Variants in CACNA1E observed in about 807,000 individuals in gnomAD.
The protein encoded by CACNA1E is calcium voltage-gated channel subunit alpha1 E.
In CACNA1E, 40 loss-of-function variants were observed where a neutral mutation model predicts 259.2. The ratio of observed to expected loss-of-function variants is 0.15; its 90% CI spans 0.12 to 0.20. The LOEUF is 0.20. Ranked by LOEUF, CACNA1E falls within the 10% of genes least tolerant of loss-of-function variation. The pLI is 1.00. For synonymous variants in CACNA1E, 1,104 were observed against 1,138.5 expected, an observed-to-expected ratio of 0.97 and a Z score of 0.61; for missense variants, 1,874 against 3,040.1, an observed-to-expected ratio of 0.62 and a Z score of 9.02.
chr1:181,488,342 C>A (rs1664029829), intron 1 of CACNA1E, among the ~76,000 whole-genome samples: 1 of 152,180 alleles, frequency 6.6e-6, no homozygotes, highest in African/African-American at 2.4e-5. Flanking sequence ...AGGATGAAGT[C>A]TGTAATTATA....
At chr1:181,767,964 G>A (rs931425079) in intron 35 of CACNA1E, among the ~76,000 whole-genome samples, 1 of 152,134 alleles carries the variant, frequency 6.6e-6, no homozygotes, top group African/African-American at 2.4e-5. Context: ...ATGTATAATT[G>A]TAGATATTTT....
intron 2 of CACNA1E, among the ~76,000 whole-genome samples, chr1:181,471,584 T>C (rs1662511634): frequency 6.6e-6 from 1 of 152,220 alleles, no homozygotes. Context: ...TCAGAATTTC[T>C]TTCCCTTTTC....
Position 181,781,316 on chromosome 1 carries a change from A to G in CACNA1E, c.5268-111A>G, listed in dbSNP as rs529922854. ...TCGTTTTTGCTCTCTGGGAATGCCT[A>G]TTCTCCTCTCCTATCTGTCTGCATC... On this transcript the variant is annotated intron_variant, in intron 38 of 47. Coordinates refer to ENST00000367573, the MANE Select transcript of CACNA1E (RefSeq NM_001205293.3). 1,029 of 659,448 alleles carry G rather than the reference A, an allele frequency of 1.6e-3. 4 individuals carry two copies. Among genetic ancestry groups the G allele is most frequent in the Middle Eastern group, 8.2e-3 (21 of 2,576 alleles). The allele number at this position is 659,448 out of a possible 1,614,324, so 40.8% of individuals were successfully genotyped here. A position where few individuals can be genotyped will look rare whatever the true frequency, so the allele number is the denominator to read the frequency against.
intron 1 of CACNA1E, among the ~76,000 whole-genome samples, chr1:181,339,740 C>A (rs78003402): frequency 0.12 from 18,928 of 151,960 alleles, 1,251 homozygotes; most frequent in South Asian, 0.17. Context: ...TGTGAGATTC[C>A]ACATCTTTAA....
rs1572732892 is a variant in CACNA1E at position 181,732,789 on chromosome 1, A to G, written c.2703A>G (p.Gly901=). The G allele has an allele frequency of 6.3e-7, 1 of 1,594,614 alleles. No individual in the cohort carries two copies. Among genetic ancestry groups the G allele is most frequent in the East Asian group, 2.2e-5 (1 of 44,702 alleles). The change falls in exon 20 of 48, where the codon GGA becomes GGG. Residue 901 remains glycine, a synonymous_variant. Transcript: ENST00000367573. The surrounding 1 kb of genome is among the most constrained non-coding windows in gnomAD (Gnocchi z 5.5). ...ACCCGACTCAGCAGGAGGCAGGGGG[A>G]GGAGAGGCTGTGGTGACCTTTGAGG... The part of the protein sequence containing the change: ...NCDPTQQEAG[G]GEAVVTFEDR...
At chr1:181,790,636 G>C in intron 44 of CACNA1E, 80 bp downstream of exon 44, 3 of 921,192 alleles carry the variant, frequency 3.3e-6, no homozygotes, top group Admixed American at 1.8e-5. Context: ...ACATAGTCAT[G>C]GTCCGTCAGG....
chr1:181,529,401 G>C (rs975994723), intron 3 of CACNA1E, among the ~76,000 whole-genome samples: 2 of 152,254 alleles, frequency 1.3e-5, no homozygotes, highest in African/African-American at 4.8e-5. Context: ...GGGAAATGTG[G>C]GGTTGGAGCC....
At chr1:181,421,924 G>A (rs972745938) in intron 2 of CACNA1E, among the ~76,000 whole-genome samples, 9 of 152,098 alleles carry the variant, frequency 5.9e-5, no homozygotes, top group Admixed American at 1.3e-4. Context: ...CTTTTTGCTG[G>A]CTCATAAAGC....
At chr1:181,654,915 G>A (rs1017287859) in intron 7 of CACNA1E, among the ~76,000 whole-genome samples, 1 of 150,588 alleles carries the variant, frequency 6.6e-6, no homozygotes, top group Non-Finnish European at 1.5e-5. Context: ...ACCCCAGGGG[G>A]CGGAGCCTGC....
At chr1:181,340,317 G>A (rs1355279092) in intron 1 of CACNA1E, among the ~76,000 whole-genome samples, 2 of 151,864 alleles carry the variant, frequency 1.3e-5, no homozygotes, top group East Asian at 3.8e-4. Context: ...TTATTCATAT[G>A]CCAGAATACA....
chr1:181,763,659 G>C (rs1164144328), intron 34 of CACNA1E, 128 bp downstream of exon 34: 8 of 588,644 alleles, frequency 1.4e-5, no homozygotes, highest in Non-Finnish European at 1.9e-5. Flanking sequence ...GTGTTTGTTA[G>C]AAGCATTCAG....
chr1:181,454,701 T>A (rs1461009104), intron 2 of CACNA1E, among the ~76,000 whole-genome samples: 1 of 152,216 alleles, frequency 6.6e-6, no homozygotes, highest in Non-Finnish European at 1.5e-5. Context: ...ATATGCTGTC[T>A]TCCCCCTAAA....
At chr1:181,755,458 C>T (rs1658006881) in intron 28 of CACNA1E, 61 bp downstream of exon 28, 3 of 1,316,132 alleles carry the variant, frequency 2.3e-6, no homozygotes, top group Non-Finnish European at 3.3e-6. Flanking sequence ...GATCCCACTC[C>T]ACCACCACAG....
rs1296721994 is a variant in CACNA1E, at chr1:181,732,597, C to T, written c.2511C>T (p.Ala837=). 3.3e-6 allele frequency: 5 copies of T among 1,502,692 alleles called. No individual in the cohort carries two copies. Among genetic ancestry groups the T allele is most frequent in the Non-Finnish European group, 4.4e-6 (5 of 1,125,652 alleles). The allele number at this position is 1,502,692 out of a possible 1,614,324, so 93.1% of individuals were successfully genotyped here. The change falls in exon 20 of 48, where the codon GCC becomes GCT. Residue 837 remains alanine (A), a synonymous_variant. Transcript: ENST00000367573. This position sits in a 1 kb window ranked among gnomAD's most constrained non-coding sequence, Gnocchi z 5.5. ...GACCCAGGGCCATTGAGGGCCTGGC[C>T]CTGGGCCTGGCCCTGGAGAAGTTCG... The part of the protein sequence containing the change: ...YRRPRAIEGL[A]LGLALEKFEE...
intron 1 of CACNA1E, among the ~76,000 whole-genome samples, chr1:181,489,401 T>C (rs1435386552): frequency 2.6e-5 from 4 of 152,346 alleles, no homozygotes; most frequent in Admixed American, 2.6e-4. Flanking sequence ...GTCTTCCTCT[T>C]GGGTAGGATT....
intron 8 of CACNA1E, among the ~76,000 whole-genome samples, chr1:181,713,885 T>A (rs1393457422): frequency 6.6e-6 from 1 of 152,180 alleles, no homozygotes; most frequent in African/African-American, 2.4e-5. Context: ...CTTCAGATGA[T>A]GACACCTCAG....
At chr1:181,684,683 A>G (rs1013399996) in intron 7 of CACNA1E, among the ~76,000 whole-genome samples, 9 of 151,972 alleles carry the variant, frequency 5.9e-5, no homozygotes, top group African/African-American at 2.2e-4. Flanking sequence ...TCCAGTTTCA[A>G]TCTTTTGCAT....
intron 1 of CACNA1E, among the ~76,000 whole-genome samples, chr1:181,362,904 T>C (rs183733312): frequency 6.6e-6 from 1 of 152,326 alleles, no homozygotes; most frequent in African/African-American, 2.4e-5. Flanking sequence ...ACCCTCCCTC[T>C]GGGAGTCCTC....
At chr1:181,441,208 C>T (rs376080543) in intron 2 of CACNA1E, among the ~76,000 whole-genome samples, 30 of 152,206 alleles carry the variant, frequency 2.0e-4, no homozygotes, top group African/African-American at 5.5e-4. Flanking sequence ...AGTGCAGTGG[C>T]GCAATCTCGG....
Sources: gnomAD v4.1 joint callset for allele counts (sites outside exome capture counted in the v4.1 genomes callset) on GRCh38, gnomAD v4.1.1 for gene constraint, Gnocchi (gnomAD v3.1) non-coding constraint, MANE v1.5 for transcripts, NCBI Gene and HGNC (gene_info 2026-07-23, HGNC 2026-07-21) for gene names.